Variants in RNF115 observed in about 807,000 individuals in gnomAD.
RNF115 encodes the protein E3 ubiquitin-protein ligase RNF115.
A neutral mutation model predicts 39.2 loss-of-function variants in RNF115; 31 were observed. The ratio of observed to expected loss-of-function variants is 0.79; its 90% confidence interval spans 0.59 to 1.07. RNF115 has a LOEUF of 1.07. Among genes scored for constraint, RNF115 ranks in the 50% least tolerant of loss-of-function variants. The pLI, the probability that RNF115 is intolerant of heterozygous loss-of-function variation, is 0.00. For missense variants in RNF115, 384 were observed against 381.7 expected, an observed-to-expected ratio of 1.01 and a Z score of -0.05; for synonymous variants, 124 against 131.0, an observed-to-expected ratio of 0.95 and a Z score of 0.37.
At chr1:145,750,925 G>A (rs782416520) in intron 6 of RNF115, among the ~76,000 whole-genome samples, 4 of 152,132 alleles carry the variant, frequency 2.6e-5, no homozygotes, top group Admixed American at 6.6e-5. Context: ...CCTATAAGAC[G>A]ACTGAATATA....
chr1:145,770,355 T>C (rs1356388264), intron 4 of RNF115, among the ~76,000 whole-genome samples: 1 of 152,080 alleles, frequency 6.6e-6, no homozygotes, highest in Non-Finnish European at 1.5e-5. Context: ...AAGGTGTGTG[T>C]TGGGGGAAAG....
chr1:145,782,803 A>G (rs1380364703), intron 3 of RNF115, among the ~76,000 whole-genome samples: 5 of 152,260 alleles, frequency 3.3e-5, no homozygotes, highest in African/African-American at 7.2e-5. Flanking sequence ...TAGCACACAC[A>G]AGAGGAAAGA....
intron 1 of RNF115, among the ~76,000 whole-genome samples, chr1:145,800,333 G>A (rs1649172240): frequency 1.3e-5 from 2 of 151,974 alleles, no homozygotes; most frequent in Admixed American, 1.3e-4. Context: ...TTACAAACAA[G>A]AAAATGAAAA....
intron 3 of RNF115, among the ~76,000 whole-genome samples, chr1:145,783,543 C>G (rs1648241201): frequency 6.6e-6 from 1 of 152,156 alleles, no homozygotes; most frequent in South Asian, 2.1e-4. Context: ...TGCTATCTCT[C>G]TAGGCACTTC....
At chr1:145,754,134 C>T (rs1378212408) in intron 4 of RNF115, among the ~76,000 whole-genome samples, 5 of 152,114 alleles carry the variant, frequency 3.3e-5, no homozygotes, top group East Asian at 1.9e-4. Context: ...TACACTATTC[C>T]GTTTGTTTGC....
At chr1:145,815,652 T>C (rs1233324807) in intron 1 of RNF115, among the ~76,000 whole-genome samples, 17 of 151,724 alleles carry the variant, frequency 1.1e-4, no homozygotes, top group Non-Finnish European at 2.5e-4. Flanking sequence ...ACATTGTCTC[T>C]CAATAAGATA....
chr1:145,779,196 A>G (rs1399916997), intron 3 of RNF115, among the ~76,000 whole-genome samples: 1 of 149,204 alleles, frequency 6.7e-6, no homozygotes, highest in African/African-American at 2.5e-5. Flanking sequence ...TTTTTTGGAG[A>G]CAGGGTCTCA....
intron 8 of RNF115, among the ~76,000 whole-genome samples, chr1:145,747,556 T>A (rs1037948352): frequency 3.3e-5 from 5 of 152,060 alleles, no homozygotes; most frequent in African/African-American, 9.7e-5. Flanking sequence ...GACACAAGAA[T>A]CACTTGAAAC....
intron 1 of RNF115, among the ~76,000 whole-genome samples, chr1:145,807,308 T>C (rs1174621333): frequency 5.3e-5 from 8 of 152,304 alleles, no homozygotes; most frequent in East Asian, 3.9e-4. Context: ...CAGGACGAGA[T>C]AGACCTATAT....
intron 2 of RNF115, 181 bp downstream of exon 2, chr1:145,788,727 T>C (rs1553718480): frequency 1.4e-6 from 1 of 695,322 alleles, no homozygotes. Flanking sequence ...TTTTTCTTTC[T>C]TTTTCCTCTC....
At position 145,750,504 on chromosome 1, in the gene RNF115, CA is replaced by C; in HGVS notation, c.574-5del. 1 of 1,611,426 alleles carries C rather than the reference CA, an allele frequency of 6.2e-7. No individual in the cohort carries two copies. Among genetic ancestry groups the C allele is most frequent in the Non-Finnish European group, 8.5e-7 (1 of 1,178,296 alleles). On this transcript the variant is annotated splice_region_variant and splice_polypyrimidine_tract_variant and intron_variant, in intron 6 of 8. Transcript: ENST00000582693. Reference sequence around the variant, plus strand: ...TGTTTTCCAGTTGTCCTAAAAGCTACAAAAAAAGAGAAAGAAAAAGACGAAG... The same window carrying C: ...TGTTTTCCAGTTGTCCTAAAAGCTACAAAAAAGAGAAAGAAAAAGACGAAG...
Position 145,756,831 on chromosome 1 carries a change from C to CTTTTT in RNF115, c.429-3787_429-3783dup, listed in dbSNP as rs142073195. 3.7e-3 allele frequency among the ~76,000 whole-genome samples: 254 copies of CTTTTT among 67,862 alleles called. 3 individuals carry two copies. The highest frequency in any genetic ancestry group is 4.7e-3 in the Non-Finnish European group (178 of 37,740). 44.5% of individuals were successfully genotyped at this position (67,862 alleles called of 152,430 possible). On this transcript the variant is annotated intron_variant, in intron 4 of 8. Coordinates refer to ENST00000582693, the MANE Select transcript of RNF115 (RefSeq NM_014455.4). ...GTGTTCATGTCCAAATTTCTAGCTT[C>CTTTTT]TTTTTTTTTTTTTTTTTTTTTTTTT...
At chr1:145,795,249 C>G (rs1648917134) in intron 1 of RNF115, among the ~76,000 whole-genome samples, 1 of 151,978 alleles carries the variant, frequency 6.6e-6, no homozygotes, top group South Asian at 2.1e-4. Flanking sequence ...CACAGACCCT[C>G]CAGGTGAGTG....
intron 2 of RNF115, among the ~76,000 whole-genome samples, chr1:145,786,017 T>C (rs1253351833): frequency 6.6e-6 from 1 of 152,220 alleles, no homozygotes; most frequent in African/African-American, 2.4e-5. Flanking sequence ...TCTTCCTTCC[T>C]GCCTTTACTA....
chr1:145,783,326 GA>G (rs1273073148), intron 3 of RNF115, among the ~76,000 whole-genome samples: 1 of 152,078 alleles, frequency 6.6e-6, no homozygotes, highest in Non-Finnish European at 1.5e-5. Context: ...ACCATAAGCA[GA>G]AAAACCACCC....
intron 4 of RNF115, among the ~76,000 whole-genome samples, chr1:145,769,920 T>C (rs782050159): frequency 1.8e-4 from 27 of 152,062 alleles, no homozygotes; most frequent in Admixed American, 5.2e-4. Flanking sequence ...AGTGGGAGGA[T>C]TGCTTGAGCC....
chr1:145,805,284 T>C (rs1368859830), intron 1 of RNF115, among the ~76,000 whole-genome samples: 2 of 152,168 alleles, frequency 1.3e-5, no homozygotes, highest in African/African-American at 2.4e-5. Context: ...TTGTTAACAG[T>C]AGCCACTGAC....
intron 1 of RNF115, among the ~76,000 whole-genome samples, chr1:145,800,927 T>C (rs148404059): frequency 1.3e-5 from 2 of 152,160 alleles, no homozygotes; most frequent in African/African-American, 4.8e-5. Context: ...CCCAGCACTT[T>C]GGGAGGGCCA....
At chr1:145,808,703 C>T (rs2101599794) in intron 1 of RNF115, among the ~76,000 whole-genome samples, 1 of 151,952 alleles carries the variant, frequency 6.6e-6, no homozygotes, top group East Asian at 1.9e-4. Flanking sequence ...AATTTTTTTT[C>T]AAACCAACGA....
Sources: allele counts gnomAD v4.1 joint callset (sites outside exome capture counted in the v4.1 genomes callset), GRCh38; gene constraint gnomAD v4.1.1; transcripts MANE v1.5; gene names NCBI Gene and HGNC (gene_info 2026-07-23, HGNC 2026-07-21).